SNX24: variants seen among roughly 807,000 people sequenced by gnomAD.
SNX24 encodes the protein sorting nexin 24.
A neutral mutation model predicts 28.7 loss-of-function variants in SNX24; 22 were observed. The observed-to-expected ratio is 0.77, with a 90% CI of 0.55 to 1.10. The LOEUF (loss-of-function observed/expected upper bound fraction) is 1.10, where lower values mean the gene tolerates loss of function less well. Among genes scored for constraint, SNX24 ranks in the 50% least tolerant of loss-of-function variants. SNX24 has a pLI of 0.00. For synonymous variants in SNX24, 69 were observed against 71.5 expected (o/e 0.96, Z 0.18); for missense variants, 221 against 201.1 (o/e 1.10, Z -0.60).
chr5:123,001,564 A>C, intron 5 of SNX24, 127 bp downstream of exon 5: 1 of 715,964 alleles, frequency 1.4e-6, no homozygotes, highest in Admixed American at 3.0e-5. Context: ...TAAGATTATA[A>C]ATATTTGATA....
In SNX24 at chr5:123,008,850, TA is replaced by T. The variant is rs1762500387; in HGVS notation, c.*1105del. The T allele has an allele frequency of 1.0e-6, 1 of 980,080 alleles. No homozygotes were observed. Among genetic ancestry groups the T allele is most frequent in the African/African-American group, 1.8e-5 (1 of 57,120 alleles). The allele number at this position is 980,080 out of a possible 1,614,324, so 60.7% of individuals were successfully genotyped here. ...ACATCATCCTTTGAGTAGTAAAGGA[TA>T]AAAGCATATATACTACCTATATGTA... On this transcript the variant is annotated 3_prime_UTR_variant, in exon 7 of 7. Coordinates refer to ENST00000261369, the MANE Select transcript of SNX24 (RefSeq NM_014035.4).
intron 1 of SNX24, among the ~76,000 whole-genome samples, chr5:122,855,378 A>G (rs1187022263): frequency 1.3e-5 from 2 of 152,138 alleles, no homozygotes; most frequent in Non-Finnish European, 2.9e-5. Context: ...GACTGTGCCA[A>G]TTTCCTAAGA....
At chr5:122,937,770 A>G (rs1759239484) in intron 2 of SNX24, among the ~76,000 whole-genome samples, 1 of 152,176 alleles carries the variant, frequency 6.6e-6, no homozygotes, top group Non-Finnish European at 1.5e-5. Flanking sequence ...GAAAATAAAC[A>G]GTACAGGTGA....
intron 3 of SNX24, among the ~76,000 whole-genome samples, chr5:122,951,557 A>G (rs1405219785): frequency 6.6e-6 from 1 of 152,214 alleles, no homozygotes; most frequent in Non-Finnish European, 1.5e-5. Context: ...AACACAGTTT[A>G]TATGATAGTT....
At chr5:122,868,694 G>T (rs1755837302) in intron 1 of SNX24, among the ~76,000 whole-genome samples, 1 of 151,900 alleles carries the variant, frequency 6.6e-6, no homozygotes, top group Non-Finnish European at 1.5e-5. Context: ...TTGATAAATG[G>T]GCAGGAGTAA....
intron 1 of SNX24, among the ~76,000 whole-genome samples, chr5:122,929,835 T>G (rs893382616): frequency 4.6e-5 from 7 of 152,260 alleles, no homozygotes; most frequent in South Asian, 2.1e-4. Context: ...CTACTTTGTT[T>G]CTAGGTTAGG....
intron 5 of SNX24, among the ~76,000 whole-genome samples, chr5:123,018,974 C>T (rs1398264269): frequency 5.3e-5 from 8 of 152,134 alleles, no homozygotes; most frequent in Non-Finnish European, 7.4e-5. Flanking sequence ...CATGAGCCAC[C>T]GCGCCTGGCC....
chr5:122,878,635 G>A (rs1369458441), intron 1 of SNX24, among the ~76,000 whole-genome samples: 2 of 152,108 alleles, frequency 1.3e-5, no homozygotes, highest in African/African-American at 4.8e-5. Context: ...TGTTTTCCCT[G>A]TCAGGAAAAA....
chr5:122,933,399 C>T (rs2150113801), intron 1 of SNX24, among the ~76,000 whole-genome samples: 1 of 152,338 alleles, frequency 6.6e-6, no homozygotes, highest in African/African-American at 2.4e-5. Flanking sequence ...GGCATTCACC[C>T]AGGGTGCAGC....
At chr5:122,869,557 CTT>C (rs1346641016) in intron 1 of SNX24, among the ~76,000 whole-genome samples, 1 of 152,156 alleles carries the variant, frequency 6.6e-6, no homozygotes, top group Non-Finnish European at 1.5e-5. Context: ...TTTTAATTAA[CTT>C]TTAAATATTA....
intron 1 of SNX24, among the ~76,000 whole-genome samples, chr5:122,856,454 G>A (rs1392914633): frequency 6.6e-6 from 1 of 151,670 alleles, no homozygotes; most frequent in Non-Finnish European, 1.5e-5. Context: ...GTGGCTTTAT[G>A]GTAGAATGAT....
intron 1 of SNX24, among the ~76,000 whole-genome samples, chr5:122,859,660 G>A (rs1755368596): frequency 6.6e-6 from 1 of 152,000 alleles, no homozygotes; most frequent in Non-Finnish European, 1.5e-5. Flanking sequence ...AATATTTGAG[G>A]ATATTTATTC....
At chr5:122,917,609 C>T (rs193541) in intron 1 of SNX24, among the ~76,000 whole-genome samples, 96,406 of 151,982 alleles carry the variant, frequency 0.63, 30,905 homozygotes, top group African/African-American at 0.71. Context: ...CTTCAAACCA[C>T]GGTGGTGGTG....
chr5:122,865,441 G>A (rs1190318564), intron 1 of SNX24, among the ~76,000 whole-genome samples: 2 of 152,040 alleles, frequency 1.3e-5, no homozygotes, highest in African/African-American at 2.4e-5. Flanking sequence ...AGTGATTCTC[G>A]TGCCTCAGCC....
At chr5:122,860,558 A>G (rs1490471509) in intron 1 of SNX24, among the ~76,000 whole-genome samples, 2 of 152,150 alleles carry the variant, frequency 1.3e-5, no homozygotes, top group Non-Finnish European at 2.9e-5. Context: ...TGAGAGGTGC[A>G]TACCACATTT....
chr5:122,969,690 T>G (rs557688014), intron 3 of SNX24, among the ~76,000 whole-genome samples: 2 of 152,150 alleles, frequency 1.3e-5, no homozygotes, highest in Non-Finnish European at 2.9e-5. Context: ...CAGAGCAGTG[T>G]GGATATGATG....
At chr5:123,012,017 G>C (rs907669709), downstream of SNX24, among the ~76,000 whole-genome samples, 1 of 152,128 alleles carries the variant, frequency 6.6e-6, no homozygotes, top group African/African-American at 2.4e-5. Context: ...TCTTATGATA[G>C]TGAGTGAGTG....
At chr5:122,925,081 TCTTCCCTCTCCTC>T (rs1341663518) in intron 1 of SNX24, among the ~76,000 whole-genome samples, 1 of 122,358 alleles carries the variant, frequency 8.2e-6, no homozygotes. Context: ...TTTTCCCTCC[TCTTCCCTCTCCTC>T]CTTCCCTCTC....
At chr5:122,931,732 C>T (rs1758967559) in intron 1 of SNX24, among the ~76,000 whole-genome samples, 1 of 152,068 alleles carries the variant, frequency 6.6e-6, no homozygotes, top group African/African-American at 2.4e-5. Flanking sequence ...GAACCTTGGG[C>T]TTAAATCTTT....
Sources: allele counts gnomAD v4.1 joint callset (sites outside exome capture counted in the v4.1 genomes callset), GRCh38; gene constraint gnomAD v4.1.1; transcripts MANE v1.5; gene names NCBI Gene and HGNC (gene_info 2026-07-23, HGNC 2026-07-21).